The following MAGI2 variants were observed in gnomAD, a reference collection of about 807,000 sequenced individuals.
The protein encoded by MAGI2 is membrane-associated guanylate kinase, WW and PDZ domain-containing protein 2.
A neutral mutation model predicts 133.3 loss-of-function variants in MAGI2; 35 were observed. That is an observed-to-expected ratio of 0.26 (90% confidence interval 0.20 to 0.35). The LOEUF is 0.35. Ranked by LOEUF, MAGI2 falls within the 10% of genes least tolerant of loss-of-function variation. The probability of loss-of-function intolerance (pLI) is 1.00; values close to 1 mark genes in which losing one functional copy is unlikely to be tolerated. For synonymous variants in MAGI2, 729 were observed against 710.6 expected, an observed-to-expected ratio of 1.03 and a Z score of -0.41; for missense variants, 1,636 against 1,863.4, an observed-to-expected ratio of 0.88 and a Z score of 2.25.
At chr7:78,483,851 CA>C (rs1209283983) in intron 6 of MAGI2, among the ~76,000 whole-genome samples, 2 of 151,848 alleles carry the variant, frequency 1.3e-5, no homozygotes, top group African/African-American at 4.8e-5. Flanking sequence ...AGTACAAAAA[CA>C]AAATCAATTT....
chr7:78,241,786 TAGC>T (rs1442672173), intron 10 of MAGI2, among the ~76,000 whole-genome samples: 1 of 151,624 alleles, frequency 6.6e-6, no homozygotes, highest in Non-Finnish European at 1.5e-5. Flanking sequence ...TAAAAAAAAT[TAGC>T]AGGGTGTGGT....
At chr7:79,110,441 G>C in intron 1 of MAGI2, among the ~76,000 whole-genome samples, 1 of 152,180 alleles carries the variant, frequency 6.6e-6, no homozygotes, top group East Asian at 1.9e-4. Context: ...TTTAATGACT[G>C]CCTTGATGGG....
intron 2 of MAGI2, among the ~76,000 whole-genome samples, chr7:78,962,345 T>C (rs918132381): frequency 8.5e-5 from 13 of 152,070 alleles, no homozygotes; most frequent in Admixed American, 2.6e-4. Context: ...TCGTCTCAAA[T>C]GGAAAAAGGC....
At chr7:78,922,149 A>C (rs118114391) in intron 2 of MAGI2, among the ~76,000 whole-genome samples, 143 of 35,442 alleles carry the variant, frequency 4.0e-3, no homozygotes, top group African/African-American at 8.8e-3. Flanking sequence ...TTCTTTCTTT[A>C]TTTTTTATTT....
At chr7:78,248,652 A>G (rs1033370583) in intron 10 of MAGI2, among the ~76,000 whole-genome samples, 7 of 152,180 alleles carry the variant, frequency 4.6e-5, no homozygotes, top group African/African-American at 1.7e-4. Context: ...TGGGGAAAGC[A>G]TAGCTTTATA....
chr7:79,386,614 T>TC (rs1355442682), intron 1 of MAGI2, among the ~76,000 whole-genome samples: 1 of 152,114 alleles, frequency 6.6e-6, no homozygotes, highest in Non-Finnish European at 1.5e-5. Flanking sequence ...GGTAACACAT[T>TC]CATCCTTGAG....
chr7:78,574,339 T>C (rs1171246988), intron 3 of MAGI2, among the ~76,000 whole-genome samples: 1 of 152,242 alleles, frequency 6.6e-6, no homozygotes, highest in African/African-American at 2.4e-5. Context: ...TCCATCCCCT[T>C]TCCTGATTCT....
At chr7:78,558,851 T>C (rs1446999052) in intron 3 of MAGI2, among the ~76,000 whole-genome samples, 2 of 151,520 alleles carry the variant, frequency 1.3e-5, no homozygotes, top group Non-Finnish European at 2.9e-5. Context: ...TTTTTTTTTT[T>C]TTTTTCTTGC....
chr7:78,709,256 C>T (rs1287928080), intron 2 of MAGI2, among the ~76,000 whole-genome samples: 2 of 151,934 alleles, frequency 1.3e-5, no homozygotes, highest in Non-Finnish European at 2.9e-5. Flanking sequence ...CCCAGGCCTC[C>T]CTGTCCCCAC....
rs199937484 is a variant in MAGI2, at chr7:78,226,317, GT to G, written c.2048-25125del. 1.8e-4 allele frequency among the ~76,000 whole-genome samples: 11 copies of G among 60,436 alleles called. No homozygotes were observed. In the South Asian group the frequency reaches 1.8e-3, roughly 10 times the overall value. The allele number at this position is 60,436 out of a possible 152,430, so 39.6% of individuals were successfully genotyped here. A position where few individuals can be genotyped will look rare whatever the true frequency, so the allele number is the denominator to read the frequency against. ...GAGTGACTGCAGAAAGTATACAAAT[GT>G]TTAAAAAAAAAAAAAAAAAAGTGGC... On this transcript the variant is annotated intron_variant, in intron 10 of 21. Transcript: ENST00000354212.
chr7:78,468,139 C>A (rs888233149), intron 6 of MAGI2, among the ~76,000 whole-genome samples: 3 of 152,270 alleles, frequency 2.0e-5, no homozygotes, highest in Admixed American at 6.5e-5. Context: ...ACTAAATTTG[C>A]AGAGACTAAT....
intron 3 of MAGI2, among the ~76,000 whole-genome samples, chr7:78,590,257 C>T (rs1161977464): frequency 6.6e-6 from 1 of 152,124 alleles, no homozygotes; most frequent in Non-Finnish European, 1.5e-5. Flanking sequence ...TGCCCTGGAA[C>T]GCTAATTCTG....
intron 2 of MAGI2, among the ~76,000 whole-genome samples, chr7:78,685,977 T>TTG: frequency 6.7e-6 from 1 of 149,694 alleles, no homozygotes. Flanking sequence ...TTTCTTTTCT[T>TTG]TTTTTTTTTT....
intron 6 of MAGI2, among the ~76,000 whole-genome samples, chr7:78,437,554 T>C (rs1415213099): frequency 6.6e-6 from 1 of 152,174 alleles, no homozygotes; most frequent in Non-Finnish European, 1.5e-5. Context: ...TCATTCAGCC[T>C]CTGTGCCCTC....
chr7:78,574,413 T>C (rs1403787716), intron 3 of MAGI2, among the ~76,000 whole-genome samples: 1 of 152,256 alleles, frequency 6.6e-6, no homozygotes, highest in Non-Finnish European at 1.5e-5. Flanking sequence ...CATGGATTTA[T>C]ATATTTTACC....
intron 9 of MAGI2, among the ~76,000 whole-genome samples, chr7:78,307,514 G>A (rs1384749780): frequency 1.3e-5 from 2 of 152,132 alleles, no homozygotes; most frequent in East Asian, 3.9e-4. Flanking sequence ...CAGCTTCCCT[G>A]TGTACCTAGA....
intron 2 of MAGI2, among the ~76,000 whole-genome samples, chr7:78,853,929 A>G (rs919539972): frequency 8.7e-5 from 13 of 150,192 alleles, no homozygotes; most frequent in African/African-American, 3.2e-4. Context: ...AAGGGGACAG[A>G]AAATCTACTG....
chr7:78,207,771 C>G (rs1787251466), intron 10 of MAGI2, among the ~76,000 whole-genome samples: 1 of 152,214 alleles, frequency 6.6e-6, no homozygotes, highest in South Asian at 2.1e-4. Flanking sequence ...ACTGCCAGTA[C>G]TCAAACATCA....
At chr7:79,109,378 C>T (rs1818719561) in intron 1 of MAGI2, among the ~76,000 whole-genome samples, 1 of 152,140 alleles carries the variant, frequency 6.6e-6, no homozygotes, top group Admixed American at 6.5e-5. Context: ...GGAAAGGCCA[C>T]CCATGTTATG....
Sources: gnomAD v4.1 joint callset for allele counts (sites outside exome capture counted in the v4.1 genomes callset) on GRCh38, gnomAD v4.1.1 for gene constraint, MANE v1.5 for transcripts, NCBI Gene and HGNC (gene_info 2026-07-23, HGNC 2026-07-21) for gene names.